The following ATP1A1 variants were observed in gnomAD, a reference collection of about 807,000 sequenced individuals.
ATP1A1 encodes the protein ATPase Na+/K+ transporting subunit alpha 1, also known as sodium/potassium-transporting ATPase subunit alpha-1.
Under a neutral mutation model 114.8 loss-of-function variants are expected in ATP1A1, and 14 were observed. The ratio of observed to expected loss-of-function variants is 0.12; its 90% CI spans 0.08 to 0.19. The LOEUF (loss-of-function observed/expected upper bound fraction) is 0.19, where lower values mean the gene tolerates loss of function less well. ATP1A1 is among the 10% of genes least tolerant of loss of function. The pLI, the probability that ATP1A1 is intolerant of heterozygous loss-of-function variation, is 1.00. For missense variants in ATP1A1, 524 were observed against 1,290.7 expected (o/e 0.41, Z 9.10); for synonymous variants, 471 against 466.3 (o/e 1.01, Z -0.13).
chr1:116,384,813 C>T lies in ATP1A1; in HGVS notation c.154C>T (p.His52Tyr), dbSNP rs1347327000. Residue 52 changes from histidine (H) to tyrosine (Y), a missense_variant, in exon 3 of 23, where the codon CAT becomes TAT. By Grantham distance (83) the His-to-Tyr change is moderately conservative. Coordinates refer to ENST00000295598, the MANE Select transcript of ATP1A1 (RefSeq NM_000701.8). The surrounding 1 kb of genome is among the most constrained non-coding windows in gnomAD (Gnocchi z 5.1). ...DDHKLSLDEL[H>Y]RKYGTDLSRG... ...TCATAAACTTAGCCTTGATGAACTT[C>T]ATCGTAAATATGGAACAGACTTGAG... 1 of 1,613,272 alleles carries T rather than the reference C, an allele frequency of 6.2e-7. No individual in the cohort carries two copies. The highest frequency in any genetic ancestry group is 1.7e-5 in the Admixed American group (1 of 59,844).
In ATP1A1 at chr1:116,384,967, C is replaced by A; in HGVS notation, c.183+125C>A. 1 of 908,476 alleles carries A rather than the reference C, an allele frequency of 1.1e-6. No individual in the cohort carries two copies. Among genetic ancestry groups the A allele is most frequent in the East Asian group, 2.6e-5 (1 of 38,466 alleles). 56.3% of individuals were successfully genotyped at this position (908,476 alleles called of 1,614,324 possible). On this transcript the variant is annotated intron_variant, in intron 3 of 22. Transcript: ENST00000295598. The surrounding 1 kb of genome is among the most constrained non-coding windows in gnomAD (Gnocchi z 5.1). ...AAAATGACAGACACCATCTGCGTATCTACCATGTGACATGCACAGAATTTG... is the reference window on the plus strand; with the variant it reads ...AAAATGACAGACACCATCTGCGTATATACCATGTGACATGCACAGAATTTG...
Position 116,384,161 on chromosome 1 carries a change from T to G in ATP1A1, c.123+37T>G. On this transcript the variant is annotated intron_variant, in intron 2 of 22. Coordinates refer to ENST00000295598, the MANE Select transcript of ATP1A1 (RefSeq NM_000701.8). The surrounding 1 kb of genome is among the most constrained non-coding windows in gnomAD (Gnocchi z 5.1). The stretch of plus-strand genomic sequence containing the variant: ...GAGGAATATTGTATTCCATCCTTAT[T>G]AAAAATCCATGATTTTTAATCCCCC... 6.4e-7 allele frequency: 1 copy of G among 1,551,756 alleles called. No homozygotes were observed. The highest frequency in any genetic ancestry group is 8.9e-7 in the Non-Finnish European group (1 of 1,127,348).
chr1:116,398,914 A>G lies in ATP1A1; in HGVS notation c.2294-16A>G, dbSNP rs754256658. 5 of 1,613,974 alleles carry G rather than the reference A, an allele frequency of 3.1e-6. No individual in the cohort carries two copies. The highest frequency in any genetic ancestry group is 1.1e-5 in the South Asian group (1 of 91,076). On this transcript the variant is annotated splice_polypyrimidine_tract_variant and intron_variant, in intron 16 of 22. Transcript: ENST00000295598. The surrounding 1 kb of genome is among the most constrained non-coding windows in gnomAD (Gnocchi z 6.1). ...TTGTCTCATAAGCTAACAGTAAAAAATCTTGGTTTTCATAGGTCGTCTGAT... is the reference window on the plus strand; with the variant it reads ...TTGTCTCATAAGCTAACAGTAAAAAGTCTTGGTTTTCATAGGTCGTCTGAT...
chr1:116,373,627 A>AGCGGCGCCGCGTGGAGTGGGCTG, intron 1 of ATP1A1, 104 bp downstream of exon 1: 2 of 1,178,838 alleles, frequency 1.7e-6, no homozygotes, highest in African/African-American at 1.6e-5. Context: ...CGGAGGAGGA[A>AGCGGCGCCGCGTGGAGTGGGCTG]GCGGCGCCGC....
Position 116,384,305 on chromosome 1 carries a change from G to A in ATP1A1, c.123+181G>A, listed in dbSNP as rs1309872082. ...CATATACTTTTTAAAAGCTGTTAGA[G>A]GGTAGGAAAAGTTATTCAGTCACTC... On this transcript the variant is annotated intron_variant, in intron 2 of 22. Coordinates refer to ENST00000295598, the MANE Select transcript of ATP1A1 (RefSeq NM_000701.8). The surrounding 1 kb of genome is among the most constrained non-coding windows in gnomAD (Gnocchi z 5.1). Among the ~76,000 whole-genome samples, 2 of 152,154 alleles carry A rather than the reference G, an allele frequency of 1.3e-5. No individual in the cohort carries two copies. The highest frequency in any genetic ancestry group is 2.4e-5 in the African/African-American group (1 of 41,418).
At chr1:116,377,016 T>G (rs532557496) in intron 1 of ATP1A1, among the ~76,000 whole-genome samples, 1 of 152,260 alleles carries the variant, frequency 6.6e-6, no homozygotes, top group Non-Finnish European at 1.5e-5. Flanking sequence ...AACAGATAAG[T>G]GACTTTCCAT....
intron 1 of ATP1A1, among the ~76,000 whole-genome samples, chr1:116,374,637 C>G (rs1354082518): frequency 6.6e-6 from 1 of 152,038 alleles, no homozygotes; most frequent in Non-Finnish European, 1.5e-5. Context: ...GCCCTGGACC[C>G]CAAATGAGCC....
Position 116,381,081 on chromosome 1 carries a change from C to T in ATP1A1, c.13-2933C>T, listed in dbSNP as rs1398430828. Among the ~76,000 whole-genome samples the T allele has an allele frequency of 6.6e-6, 1 of 152,134 alleles. No individual in the cohort carries two copies. Among genetic ancestry groups the T allele is most frequent in the African/African-American group, 2.4e-5 (1 of 41,424 alleles). Reference sequence around the variant, plus strand: ...ACATGATGAGAGTGAGGATTAATCACTCCCAGTCCTCTGGGAGGGGGGAAG... The same window carrying T: ...ACATGATGAGAGTGAGGATTAATCATTCCCAGTCCTCTGGGAGGGGGGAAG... On this transcript the variant is annotated intron_variant, in intron 1 of 22. Coordinates refer to ENST00000295598, the MANE Select transcript of ATP1A1 (RefSeq NM_000701.8). The surrounding 1 kb of genome is among the most constrained non-coding windows in gnomAD (Gnocchi z 5.1).
rs947047439 is a variant in ATP1A1 at position 116,397,867 on chromosome 1, T to G, written c.1974-21T>G. 1.3e-6 allele frequency: 2 copies of G among 1,582,868 alleles called. No individual in the cohort carries two copies. Among genetic ancestry groups the G allele is most frequent in the Admixed American group, 1.8e-5 (1 of 55,700 alleles). On this transcript the variant is annotated intron_variant, in intron 14 of 22. Transcript: ENST00000295598. The surrounding 1 kb of genome is among the most constrained non-coding windows in gnomAD (Gnocchi z 4.2). The stretch of plus-strand genomic sequence containing the variant: ...GGTGATGTGATGCGTGACTTTTTTT[T>G]TTTTTTTGTCCTAATTCTAGGGATG...
At position 116,373,310 on chromosome 1, in the gene ATP1A1, A is replaced by T. The variant is rs1479895032; in HGVS notation, c.-202A>T. The T allele has an allele frequency of 2.3e-6, 1 of 435,068 alleles. No individual in the cohort carries two copies. The highest frequency in any genetic ancestry group is 2.1e-5 in the African/African-American group (1 of 48,042). The allele number at this position is 435,068 out of a possible 1,614,324, so 27.0% of individuals were successfully genotyped here. A position where few individuals can be genotyped will look rare whatever the true frequency, so the allele number is the denominator to read the frequency against. On this transcript the variant is annotated 5_prime_UTR_variant, in exon 1 of 23. Transcript: ENST00000295598. The stretch of plus-strand genomic sequence containing the variant: ...GAGGCGGACACGTGGCAACAGCGGT[A>T]GCAGCCCGGGCGGCGGCAGCAACAG...
intron 18 of ATP1A1, among the ~76,000 whole-genome samples, chr1:116,400,611 G>A (rs558912769): frequency 6.6e-6 from 1 of 152,330 alleles, no homozygotes; most frequent in South Asian, 2.1e-4. Context: ...AGGCACATGT[G>A]TCTTTGTGTA....
rs1320600665 is a variant in ATP1A1 at position 116,397,266 on chromosome 1, A to T, written c.1973+532A>T. Among the ~76,000 whole-genome samples, 1 of 152,100 alleles carries T rather than the reference A, an allele frequency of 6.6e-6. No homozygotes were observed. The highest frequency in any genetic ancestry group is 1.5e-5 in the Non-Finnish European group (1 of 68,018). ...GTTTAGGGCCCTTTCACCCTATGTT[A>T]CGGTTAGAGGAGGGTTTGGTCTTGT... On this transcript the variant is annotated intron_variant, in intron 14 of 22. Coordinates refer to ENST00000295598, the MANE Select transcript of ATP1A1 (RefSeq NM_000701.8). This position sits in a 1 kb window ranked among gnomAD's most constrained non-coding sequence, Gnocchi z 4.2.
chr1:116,382,956 G>A (rs1054621464), intron 1 of ATP1A1, among the ~76,000 whole-genome samples: 2 of 152,182 alleles, frequency 1.3e-5, no homozygotes, highest in Non-Finnish European at 2.9e-5. Context: ...GGCTGCTTCA[G>A]GGGGAGGTGT....
rs1479811496 is a variant in ATP1A1 at position 116,390,692 on chromosome 1, G to C, written c.1223-90G>C. 4 of 1,113,288 alleles carry C rather than the reference G, an allele frequency of 3.6e-6. No homozygotes were observed. The African/African-American group carries it at 4.7e-5, about 13-fold the overall frequency. The allele number at this position is 1,113,288 out of a possible 1,614,324, so 69.0% of individuals were successfully genotyped here. On this transcript the variant is annotated intron_variant, in intron 9 of 22. Transcript: ENST00000295598. ...TTGGGAAATGAGATGTATCACTGCA[G>C]ATTTCTATGGGACTTTAATAGGAGA...
In ATP1A1 at chr1:116,388,358, T is replaced by G; in HGVS notation, c.501+114T>G. On this transcript the variant is annotated intron_variant, in intron 5 of 22. Transcript: ENST00000295598. The surrounding 1 kb of genome is among the most constrained non-coding windows in gnomAD (Gnocchi z 5.6). ...AGTATTACATGACTCATCAGAGAGA[T>G]GGATGTCTTCTACCCCACCCAAAAC... The G allele has an allele frequency of 9.7e-7, 1 of 1,036,022 alleles. No homozygotes were observed. The allele number at this position is 1,036,022 out of a possible 1,614,324, so 64.2% of individuals were successfully genotyped here.
At chr1:116,391,895 G>A (rs1025492241) in intron 10 of ATP1A1, among the ~76,000 whole-genome samples, 5 of 152,156 alleles carry the variant, frequency 3.3e-5, no homozygotes, top group African/African-American at 1.2e-4. Flanking sequence ...CTGGAGTTCG[G>A]CCATGTTGAT....
intron 8 of ATP1A1, 108 bp from the exon 9 acceptor site, chr1:116,390,105 G>T: frequency 8.8e-7 from 1 of 1,141,016 alleles, no homozygotes. Context: ...GAAGAAGGTT[G>T]GAGAGATTTA....
At chr1:116,390,061 G>A (rs1018891115) in intron 8 of ATP1A1, 152 bp from the exon 9 acceptor site, 6 of 813,002 alleles carry the variant, frequency 7.4e-6, no homozygotes, top group Non-Finnish European at 1.2e-5. Context: ...GAAGCCTCAT[G>A]TATGGGTTCC....
chr1:116,374,826 G>A (rs759623028), intron 1 of ATP1A1, among the ~76,000 whole-genome samples: 9 of 152,104 alleles, frequency 5.9e-5, no homozygotes, highest in Non-Finnish European at 1.2e-4. Flanking sequence ...ACAGAGTGTC[G>A]GGAGCAGAGG....
Sources: allele counts gnomAD v4.1 joint callset (sites outside exome capture counted in the v4.1 genomes callset), GRCh38; gene constraint gnomAD v4.1.1; non-coding constraint Gnocchi (gnomAD v3.1); transcripts MANE v1.5; gene names NCBI Gene and HGNC (gene_info 2026-07-23, HGNC 2026-07-21).